Variants in NPHP1 observed in about 807,000 individuals in gnomAD.
NPHP1 encodes nephrocystin-1.
In NPHP1, 70 loss-of-function variants were observed where a neutral mutation model predicts 90.4. The observed-to-expected ratio is 0.77, with a 90% CI of 0.64 to 0.95. NPHP1 has a LOEUF of 0.95. Ranked by LOEUF, NPHP1 falls within the 40% of genes least tolerant of loss-of-function variation. NPHP1 has a pLI of 0.00. For missense variants in NPHP1, 764 were observed against 795.9 expected (o/e 0.96, Z 0.48); for synonymous variants, 256 against 271.7 (o/e 0.94, Z 0.57).
At chr2:110,185,105 C>G (rs540529210) in intron 2 of NPHP1, 14 of 587,674 alleles carry the variant, frequency 2.4e-5, no homozygotes, top group South Asian at 1.9e-4. Context: ...CTCCATGACA[C>G]CTTTAAGAAG....
rs1682570213 is a variant in NPHP1 at position 110,164,502 on chromosome 2, A to AT, written c.771+185_771+186insA. 1 of 1,249,118 alleles carries AT rather than the reference A, an allele frequency of 8.0e-7. No individual in the cohort carries two copies. 77.4% of individuals were successfully genotyped at this position (1,249,118 alleles called of 1,614,324 possible). A position where few individuals can be genotyped will look rare whatever the true frequency, so the allele number is the denominator to read the frequency against. The stretch of plus-strand genomic sequence containing the variant: ...TCTTTTTGTACAAAAAAAAAAAAAA[A>AT]CTAATGAGAAATGTTACTTGGAGCA... On this transcript the variant is annotated intron_variant, in intron 8 of 19. Transcript: ENST00000445609.
intron 2 of NPHP1, among the ~76,000 whole-genome samples, chr2:110,200,659 T>C (rs1685518190): frequency 6.6e-6 from 1 of 152,194 alleles, no homozygotes; most frequent in Non-Finnish European, 1.5e-5. Context: ...CTATAAATCT[T>C]ACTCTGTTTT....
In NPHP1 at chr2:110,143,544, T is replaced by C. The variant is rs1236689095; in HGVS notation, c.1527A>G (p.Leu509=). ...GACAGGTAAAAGCAGGTACCCACCT[T>C]AGTACATTTCTTGATCTTCTGTTCA... is the stretch of plus-strand genomic sequence containing the variant. ...RSLNRRSRNV[L]SLLPETLIGN... Residue 509 remains leucine, a splice_region_variant and synonymous_variant, in exon 16 of 20, where the codon CTA becomes CTG. Transcript: ENST00000445609. 1.2e-6 allele frequency: 2 copies of C among 1,606,836 alleles called. No individual in the cohort carries two copies. The highest frequency in any genetic ancestry group is 1.3e-5 in the African/African-American group (1 of 74,914).
intron 11 of NPHP1, among the ~76,000 whole-genome samples, chr2:110,152,784 C>T (rs1245456354): frequency 6.6e-6 from 1 of 151,848 alleles, no homozygotes; most frequent in Non-Finnish European, 1.5e-5. Context: ...ACGTCAAGAT[C>T]TGGTTCTGAA....
intron 11 of NPHP1, among the ~76,000 whole-genome samples, chr2:110,154,212 G>A (rs751510316): frequency 3.3e-5 from 5 of 152,100 alleles, no homozygotes; most frequent in Non-Finnish European, 5.9e-5. Context: ...CTGCACAAGC[G>A]CTCTTCTCTT....
At chr2:110,196,704 CAT>C (rs946847521) in intron 2 of NPHP1, among the ~76,000 whole-genome samples, 5 of 152,124 alleles carry the variant, frequency 3.3e-5, no homozygotes, top group African/African-American at 1.2e-4. Flanking sequence ...CCCATGCACA[CAT>C]ATGTTTATTG....
chr2:110,187,596 G>C (rs1684385556), intron 2 of NPHP1, among the ~76,000 whole-genome samples: 1 of 152,274 alleles, frequency 6.6e-6, no homozygotes, highest in Non-Finnish European at 1.5e-5. Flanking sequence ...AAGGTAAAAA[G>C]AAGAGTGGGA....
rs763320261 is a variant in NPHP1 at position 110,170,040 on chromosome 2, A to G, written c.330-42T>C. 1.2e-5 allele frequency: 19 copies of G among 1,610,812 alleles called. No individual in the cohort carries two copies. In the South Asian group the frequency reaches 2.0e-4, roughly 17 times the overall value. ...TGAGTAGGACTACTTGAAATAATAT[A>G]CAAGAACAGACCAGCTATGAGTGTA... On this transcript the variant is annotated intron_variant, in intron 4 of 19. Transcript: ENST00000445609.
intron 11 of NPHP1, 110 bp from the exon 12 acceptor site, chr2:110,150,366 G>A: frequency 3.1e-6 from 3 of 952,746 alleles, no homozygotes; most frequent in Non-Finnish European, 5.1e-6. Context: ...AAGATGGCAA[G>A]GGGAGAACTT....
rs1682876264 is a variant in NPHP1 at position 110,168,481 on chromosome 2, C to T, written c.595G>A (p.Glu199Lys). ...AGGTAGGTTCTGGGAACAAGACCTT[C>T]ATTTCCTTTGGCATCCTTAGCTATC... ...WWIAKDAKGNEGLVPRTYLEP... is the reference protein window; with the variant it reads ...WWIAKDAKGNKGLVPRTYLEP... The change falls in exon 6 of 20, where the codon GAA becomes AAA. Residue 199 changes from glutamate to lysine, a missense_variant. Physicochemically the swap from Glu to Lys is moderately conservative, Grantham distance 56 (BLOSUM62 1). Coordinates refer to ENST00000445609, the MANE Select transcript of NPHP1 (RefSeq NM_001128178.3). 6.2e-7 allele frequency: 1 copy of T among 1,612,872 alleles called. No homozygotes were observed. Among genetic ancestry groups the T allele is most frequent in the Admixed American group, 1.7e-5 (1 of 59,996 alleles).
chr2:110,137,850 A>AT (rs1680320234), intron 16 of NPHP1, among the ~76,000 whole-genome samples: 3 of 151,358 alleles, frequency 2.0e-5, no homozygotes, highest in South Asian at 2.1e-4. Flanking sequence ...ATTATAAATC[A>AT]TGCTGCTATA....
chr2:110,197,729 C>T (rs1456727902), intron 2 of NPHP1, among the ~76,000 whole-genome samples: 1 of 152,064 alleles, frequency 6.6e-6, no homozygotes, highest in Non-Finnish European at 1.5e-5. Context: ...TGAATCCACC[C>T]TGAGAGAACC....
intron 2 of NPHP1, among the ~76,000 whole-genome samples, chr2:110,182,070 C>A (rs543906667): frequency 7.9e-5 from 12 of 151,560 alleles, no homozygotes; most frequent in Non-Finnish European, 1.3e-4. Context: ...TTAAGACAGG[C>A]GGACAAGAAT....
chr2:110,134,345 T>TA (rs1035235345), intron 16 of NPHP1, among the ~76,000 whole-genome samples: 1 of 151,942 alleles, frequency 6.6e-6, no homozygotes, highest in East Asian at 1.9e-4. Context: ...ATCAGTAATT[T>TA]AAAAAATCTC....
At chr2:110,138,668 C>T (rs925677332) in intron 16 of NPHP1, among the ~76,000 whole-genome samples, 1 of 152,086 alleles carries the variant, frequency 6.6e-6, no homozygotes, top group African/African-American at 2.4e-5. Flanking sequence ...GCATGAACAA[C>T]ATGCTCATGT....
intron 16 of NPHP1, among the ~76,000 whole-genome samples, chr2:110,137,019 G>A (rs1246125494): frequency 5.3e-5 from 8 of 151,980 alleles, no homozygotes; most frequent in Admixed American, 3.3e-4. Context: ...AAATAATGCC[G>A]CATATCTACA....
chr2:110,163,480 T>A (rs1468726609), intron 8 of NPHP1: 1 of 309,964 alleles, frequency 3.2e-6, no homozygotes, highest in Non-Finnish European at 6.2e-6. Flanking sequence ...TCACATGCAC[T>A]GAAGAATTAA....
At chr2:110,179,238 T>C (rs1683717296) in intron 3 of NPHP1, among the ~76,000 whole-genome samples, 1 of 152,146 alleles carries the variant, frequency 6.6e-6, no homozygotes, top group South Asian at 2.1e-4. Context: ...GAGCTGCCAT[T>C]TGATACAAGA....
At chr2:110,184,078 C>T in intron 2 of NPHP1, 2 of 527,640 alleles carry the variant, frequency 3.8e-6, no homozygotes, top group East Asian at 5.1e-5. Flanking sequence ...GATACAATCA[C>T]CAACCAGCCT....
Sources: gnomAD v4.1 joint callset for allele counts (sites outside exome capture counted in the v4.1 genomes callset) on GRCh38, gnomAD v4.1.1 for gene constraint, MANE v1.5 for transcripts, NCBI Gene and HGNC (gene_info 2026-07-23, HGNC 2026-07-21) for gene names.